Variants in RNF216 observed in about 807,000 individuals in gnomAD.
The protein encoded by RNF216 is ring finger protein 216, also known as E3 ubiquitin-protein ligase RNF216.
In RNF216, 72 loss-of-function variants were observed where a neutral mutation model predicts 110.8. The ratio of observed to expected loss-of-function variants is 0.65; its 90% confidence interval spans 0.54 to 0.79. The LOEUF (loss-of-function observed/expected upper bound fraction) is 0.79. RNF216 is among the 30% of genes least tolerant of loss of function. The pLI is 0.00. For synonymous variants in RNF216, 495 were observed against 407.5 expected (o/e 1.21, Z -2.59); for missense variants, 1,342 against 1,141.2 (o/e 1.18, Z -2.54).
intron 1 of RNF216, among the ~76,000 whole-genome samples, chr7:5,768,665 G>GTT (rs550374815): frequency 2.5e-3 from 346 of 141,012 alleles, no homozygotes; most frequent in East Asian, 4.4e-3. Flanking sequence ...AAGCAACTTT[G>GTT]TTTTTTTTTT....
At chr7:5,747,652 G>A (rs912032416) in intron 3 of RNF216, among the ~76,000 whole-genome samples, 4 of 148,978 alleles carry the variant, frequency 2.7e-5, no homozygotes, top group African/African-American at 7.4e-5. Context: ...TCTGGAGGCT[G>A]AGGCACAAGA....
At chr7:5,717,911 T>C (rs1165696791) in intron 9 of RNF216, among the ~76,000 whole-genome samples, 1 of 151,954 alleles carries the variant, frequency 6.6e-6, no homozygotes, top group Non-Finnish European at 1.5e-5. Flanking sequence ...GCTTCCCGAG[T>C]AGCTGGGACT....
intron 13 of RNF216, among the ~76,000 whole-genome samples, chr7:5,672,439 A>C (rs1789978770): frequency 6.6e-6 from 1 of 152,214 alleles, no homozygotes; most frequent in Non-Finnish European, 1.5e-5. Flanking sequence ...AAGCAACCAG[A>C]CTTTAGAATG....
chr7:5,623,007 G>C lies in RNF216; in HGVS notation c.2625C>G (p.Asn875Lys). 1 of 1,614,152 alleles carries C rather than the reference G, an allele frequency of 6.2e-7. No individual in the cohort carries two copies. Among genetic ancestry groups the C allele is most frequent in the Non-Finnish European group, 8.5e-7 (1 of 1,180,024 alleles). Residue 875 changes from asparagine to lysine, a missense_variant, in exon 17 of 17, where the codon AAC (asparagine) becomes AAG (lysine). Asn to Lys is a moderately conservative substitution (Grantham distance 94). Coordinates refer to ENST00000389902, the MANE Select transcript of RNF216 (RefSeq NM_207111.4). ...GGATAGGCCCCATGTTGAGTGGGAA[G>C]TTGTTGAACACAGGCCGCACGGGAG... is the stretch of plus-strand genomic sequence containing the variant. ...PLPPVRPVFN[N>K]FPLNMGPIPA...
At chr7:5,761,901 T>C (rs1309800327) in intron 1 of RNF216, among the ~76,000 whole-genome samples, 2 of 152,208 alleles carry the variant, frequency 1.3e-5, no homozygotes, top group African/African-American at 4.8e-5. Context: ...TTGGAAAAGA[T>C]ATTCTGAATA....
chr7:5,644,431 A>G (rs1787927552), intron 14 of RNF216, among the ~76,000 whole-genome samples: 1 of 152,164 alleles, frequency 6.6e-6, no homozygotes, highest in South Asian at 2.1e-4. Flanking sequence ...GTAATGACTA[A>G]TGACGTTCAG....
chr7:5,749,669 C>A (rs1468272712), intron 3 of RNF216, among the ~76,000 whole-genome samples: 1 of 152,140 alleles, frequency 6.6e-6, no homozygotes, highest in East Asian at 1.9e-4. Context: ...AAGCTCTTTG[C>A]AAGCAATTAT....
intron 5 of RNF216, among the ~76,000 whole-genome samples, chr7:5,737,526 AAT>A (rs1168215538): frequency 0.016 from 14 of 864 alleles, no homozygotes; most frequent in Middle Eastern, 0.17. Flanking sequence ...AATTAAAAAT[AAT>A]AATAATAATA....
At chr7:5,700,112 G>A (rs755837503) in intron 13 of RNF216, among the ~76,000 whole-genome samples, 2 of 152,150 alleles carry the variant, frequency 1.3e-5, no homozygotes, top group Non-Finnish European at 2.9e-5. Flanking sequence ...CACGGGGACA[G>A]GGGGTGTTTT....
At chr7:5,648,811 C>T (rs897174896) in intron 14 of RNF216, among the ~76,000 whole-genome samples, 14 of 152,032 alleles carry the variant, frequency 9.2e-5, no homozygotes, top group Admixed American at 8.5e-4. Context: ...CCAGCCAACT[C>T]TAGAAGACAT....
At chr7:5,647,594 A>G (rs1024686442) in intron 14 of RNF216, among the ~76,000 whole-genome samples, 7 of 151,970 alleles carry the variant, frequency 4.6e-5, no homozygotes, top group Non-Finnish European at 8.8e-5. Context: ...TTGGCCTCCC[A>G]AAGTGCTGGG....
chr7:5,702,297 G>A (rs1792018572), intron 13 of RNF216, among the ~76,000 whole-genome samples: 1 of 152,186 alleles, frequency 6.6e-6, no homozygotes, highest in South Asian at 2.1e-4. Context: ...GGAGAGGCAG[G>A]TGCTTCTACC....
At chr7:5,763,248 T>A (rs948073238) in intron 1 of RNF216, among the ~76,000 whole-genome samples, 4 of 152,186 alleles carry the variant, frequency 2.6e-5, no homozygotes, top group Admixed American at 2.6e-4. Context: ...TTGATTGTGG[T>A]GGTAGTCACC....
At chr7:5,707,915 C>CAG (rs892796195) in intron 13 of RNF216, among the ~76,000 whole-genome samples, 8 of 152,054 alleles carry the variant, frequency 5.3e-5, no homozygotes, top group African/African-American at 1.4e-4. Flanking sequence ...TTAGTAGAGA[C>CAG]AGAGTTTTGC....
At chr7:5,701,371 G>A (rs1161562254) in intron 13 of RNF216, among the ~76,000 whole-genome samples, 1 of 152,144 alleles carries the variant, frequency 6.6e-6, no homozygotes, top group Non-Finnish European at 1.5e-5. Context: ...TGCTCTTGTG[G>A]CAGCAGGTTC....
At chr7:5,678,840 G>T (rs187864084) in intron 13 of RNF216, among the ~76,000 whole-genome samples, 1 of 152,216 alleles carries the variant, frequency 6.6e-6, no homozygotes, top group Non-Finnish European at 1.5e-5. Context: ...GAGCTGGACT[G>T]GATAAATTAA....
intron 3 of RNF216, among the ~76,000 whole-genome samples, chr7:5,745,828 G>C (rs1161975809): frequency 6.6e-6 from 1 of 150,908 alleles, no homozygotes; most frequent in Non-Finnish European, 1.5e-5. Flanking sequence ...CTTAAACTCG[G>C]GATGTTGCAG....
chr7:5,733,269 C>A (rs567126028), intron 5 of RNF216: 1 of 152,074 alleles, frequency 6.6e-6, no homozygotes, highest in Non-Finnish European at 1.5e-5. Flanking sequence ...TTGGATTTCA[C>A]GAGAATTTTA....
At position 5,660,943 on chromosome 7, in the gene RNF216, G is replaced by GTT. The variant is rs1168463360; in HGVS notation, c.2062-8435_2062-8434dup. ...TAGCTCCATGCTCCTGAAGCCTTAGGTTTTTTTTTTTTTTTTTTTTTTTTT... is the reference window on the plus strand; with the variant it reads ...TAGCTCCATGCTCCTGAAGCCTTAGGTTTTTTTTTTTTTTTTTTTTTTTTTTT... On this transcript the variant is annotated intron_variant, in intron 13 of 16. Coordinates refer to ENST00000389902, the MANE Select transcript of RNF216 (RefSeq NM_207111.4). Among the ~76,000 whole-genome samples the GTT allele has an allele frequency of 3.1e-3, 276 of 90,146 alleles. 3 individuals carry two copies. Among genetic ancestry groups the GTT allele is most frequent in the East Asian group, 5.4e-3 (18 of 3,320 alleles). 59.1% of individuals were successfully genotyped at this position (90,146 alleles called of 152,430 possible).
Sources: gnomAD v4.1 joint callset for allele counts (sites outside exome capture counted in the v4.1 genomes callset) on GRCh38, gnomAD v4.1.1 for gene constraint, MANE v1.5 for transcripts, NCBI Gene and HGNC (gene_info 2026-07-23, HGNC 2026-07-21) for gene names.